The following TNK1 variants were observed in gnomAD, a reference collection of about 807,000 sequenced individuals.
TNK1 encodes tyrosine kinase non receptor 1.
TNK1 carries 53 observed loss-of-function variants against 65.2 expected under a neutral mutation model. That is an observed-to-expected ratio of 0.81 (90% CI 0.65 to 1.02). The LOEUF (loss-of-function observed/expected upper bound fraction) is 1.02, where lower values mean the gene tolerates loss of function less well. Among genes scored for constraint, TNK1 ranks in the 50% least tolerant of loss-of-function variants. The pLI is 0.00. For synonymous variants in TNK1, 353 were observed against 364.6 expected (o/e 0.97, Z 0.36); for missense variants, 837 against 878.4 (o/e 0.95, Z 0.60).
rs1904951379 is a variant in TNK1 at position 7,383,448 on chromosome 17, G to A, written c.258G>A (p.Glu86=). The A allele has an allele frequency of 1.2e-6, 2 of 1,613,806 alleles. No individual in the cohort carries two copies. Among genetic ancestry groups the A allele is most frequent in the African/African-American group, 1.3e-5 (1 of 74,924 alleles). The change falls in exon 4 of 13, where the codon GAG becomes GAA. Residue 86 remains glutamate (E), a synonymous_variant. Coordinates refer to ENST00000688331, the MANE Select transcript of TNK1 (RefSeq NM_003985.6). ...VYKILGGFAP[E]HKEPTLPSDS... The stretch of plus-strand genomic sequence containing the variant: ...AGATCCTTGGAGGTTTTGCCCCTGA[G>A]CACAAGGAGCCCACCCTGCCCTCGG...
At chr17:7,385,626 G>A (rs1374718559) in intron 7 of TNK1, among the ~76,000 whole-genome samples, 5 of 152,062 alleles carry the variant, frequency 3.3e-5, no homozygotes, top group Non-Finnish European at 7.4e-5. Flanking sequence ...GTGCAGTGGT[G>A]GGATCTTGGC....
intron 7 of TNK1, among the ~76,000 whole-genome samples, chr17:7,385,540 C>T (rs1326608782): frequency 2.6e-5 from 4 of 151,860 alleles, no homozygotes; most frequent in African/African-American, 7.2e-5. Flanking sequence ...ATTTAATGCT[C>T]TCAACCACTG....
At position 7,384,690 on chromosome 17, in the gene TNK1, G is replaced by T; in HGVS notation, c.1073G>T (p.Arg358Leu). 6.3e-7 allele frequency: 1 copy of T among 1,594,714 alleles called. No homozygotes were observed. The change falls in exon 7 of 13, where the codon CGC becomes CTC. Residue 358 changes from arginine to leucine, a missense_variant. By Grantham distance (102) the Arg-to-Leu change is moderately radical (BLOSUM62 -2). Transcript: ENST00000688331. ...CSRALYSLAL[R>L]CWAPHPADRP... ...AGGGCCCTCTACTCCCTCGCCTTGC[G>T]CTGCTGGGCCCCCCACCCTGCCGAC... is the stretch of plus-strand genomic sequence containing the variant.
chr17:7,384,372 C>G, intron 6 of TNK1, 112 bp from the exon 7 acceptor site: 1 of 1,439,566 alleles, frequency 6.9e-7, no homozygotes, highest in Non-Finnish European at 9.1e-7. Context: ...GGGTTATCCT[C>G]CTAGGCAAAG....
chr17:7,385,957 G>C (rs1241656496), intron 7 of TNK1, among the ~76,000 whole-genome samples: 1 of 152,198 alleles, frequency 6.6e-6, no homozygotes, highest in African/African-American at 2.4e-5. Context: ...GTAAGTGGAG[G>C]AGTTGGGATT....
At chr17:7,386,751 C>A in intron 8 of TNK1, 96 bp downstream of exon 8, 1 of 1,211,930 alleles carries the variant, frequency 8.3e-7, no homozygotes, top group Non-Finnish European at 1.2e-6. Flanking sequence ...CTCCTTGAAC[C>A]CTGATCTTCT....
chr17:7,389,168 A>C lies in TNK1; in HGVS notation c.*84A>C. On this transcript the variant is annotated 3_prime_UTR_variant, in exon 13 of 13. Transcript: ENST00000688331. ...CCACATGGGACCAAGCGGAACCAGA[A>C]CAAGGTCCCGACAGGGGTAGACGTT... The C allele has an allele frequency of 8.9e-7, 1 of 1,125,344 alleles. No individual in the cohort carries two copies. Among genetic ancestry groups the C allele is most frequent in the Non-Finnish European group, 1.3e-6 (1 of 777,398 alleles). 69.7% of individuals were successfully genotyped at this position (1,125,344 alleles called of 1,614,324 possible).
chr17:7,385,669 A>G (rs113929163), intron 7 of TNK1, among the ~76,000 whole-genome samples: 2,154 of 151,998 alleles, frequency 0.014, 36 homozygotes, highest in Admixed American at 0.025. Flanking sequence ...GGTTCAAGCA[A>G]TTCTCCTGTT....
In TNK1 at chr17:7,387,116, C is replaced by T. The variant is rs571670663; in HGVS notation, c.1359C>T (p.Thr453=). 1 of 1,607,496 alleles carries T rather than the reference C, an allele frequency of 6.2e-7. No homozygotes were observed. Among genetic ancestry groups the T allele is most frequent in the East Asian group, 2.2e-5 (1 of 44,762 alleles). Residue 453 remains threonine (T), a synonymous_variant, in exon 9 of 13, where the codon ACC becomes ACT. Coordinates refer to ENST00000688331, the MANE Select transcript of TNK1 (RefSeq NM_003985.6). The part of the protein sequence containing the change: ...LPATRPVHRG[T]PARGDQHPGS... Reference sequence around the variant, plus strand: ...CCACCCGTCCAGTCCACAGAGGCACCCCTGCCCGGGGAGATCAACACCCAG... The same window carrying T: ...CCACCCGTCCAGTCCACAGAGGCACTCCTGCCCGGGGAGATCAACACCCAG...
rs765094696 is a variant in TNK1 at position 7,388,674 on chromosome 17, C to T, written c.1746C>T (p.Ser582=). 3.6e-5 allele frequency: 58 copies of T among 1,613,612 alleles called. No homozygotes were observed. The highest frequency in any genetic ancestry group is 8.0e-5 in the African/African-American group (6 of 74,992). Residue 582 remains serine, a synonymous_variant, in exon 11 of 13, where the codon TCC becomes TCT. Transcript: ENST00000688331. The surrounding 1 kb of genome is among the most constrained non-coding windows in gnomAD (Gnocchi z 4.5). ...CTGCCCTCTCTGGAGGCCTCTTGTC[C>T]GATCCTGAGTTGCAGAGGAAGATTA... The part of the protein sequence containing the change: ...KAAALSGGLL[S]DPELQRKIME...
At position 7,386,590 on chromosome 17, in the gene TNK1, G is replaced by C. The variant is rs1176091818; in HGVS notation, c.1167G>C (p.Arg389Ser). 6.2e-7 allele frequency: 1 copy of C among 1,605,224 alleles called. No homozygotes were observed. Among genetic ancestry groups the C allele is most frequent in the East Asian group, 2.2e-5 (1 of 44,550 alleles). Residue 389 changes from arginine (R) to serine (S), a missense_variant, in exon 8 of 13, where the codon AGG (arginine) becomes AGC (serine). Physicochemically the swap from Arg to Ser is moderately radical, Grantham distance 110. Transcript: ENST00000688331. ...EAGPSEACCV[R>S]DVTEPGALRM... ...GGCCTTCGGAAGCATGTTGTGTGAG[G>C]GATGTCACAGAACCAGGCGCCCTGA...
chr17:7,383,242 T>A lies in TNK1; in HGVS notation c.164-8T>A, dbSNP rs755470584. On this transcript the variant is annotated splice_polypyrimidine_tract_variant and splice_region_variant and intron_variant, in intron 2 of 12. Coordinates refer to ENST00000688331, the MANE Select transcript of TNK1 (RefSeq NM_003985.6). ...CTCCACTCCAGCCCTGATTCTGGCCTCCCACAGCCCAGCGCAGACTGTCCG... is the reference window on the plus strand; with the variant it reads ...CTCCACTCCAGCCCTGATTCTGGCCACCCACAGCCCAGCGCAGACTGTCCG... The A allele has an allele frequency of 6.8e-6, 11 of 1,613,808 alleles. No homozygotes were observed. In the African/African-American group the frequency reaches 1.3e-4, roughly 20 times the overall value.
In TNK1 at chr17:7,383,791, C is replaced by T. The variant is rs767665856; in HGVS notation, c.509C>T (p.Ser170Leu). 1.2e-6 allele frequency: 2 copies of T among 1,613,128 alleles called. No individual in the cohort carries two copies. Among genetic ancestry groups the T allele is most frequent in the South Asian group, 1.1e-5 (1 of 90,834 alleles). ...TELGDFLREV[S>L]VMMNLEHPHV... is the part of the protein sequence containing the mutation. ...CTGGGGGACTTCCTGCGAGAGGTAT[C>T]GGTCATGATGAACTTGGAGCACCCA... The change falls in exon 5 of 13, where the codon TCG becomes TTG. Residue 170 changes from serine to leucine, a missense_variant. Ser to Leu is a moderately radical substitution (Grantham distance 145, BLOSUM62 -2). Coordinates refer to ENST00000688331, the MANE Select transcript of TNK1 (RefSeq NM_003985.6).
intron 7 of TNK1, 100 bp from the exon 8 acceptor site, chr17:7,386,461 C>T: frequency 1.1e-6 from 1 of 918,956 alleles, no homozygotes; most frequent in African/African-American, 1.6e-5. Context: ...GGGCCCAGCA[C>T]AGACTACATA....
At chr17:7,386,318 C>T (rs935175585) in intron 7 of TNK1, among the ~76,000 whole-genome samples, 7 of 152,094 alleles carry the variant, frequency 4.6e-5, no homozygotes, top group Non-Finnish European at 7.4e-5. Flanking sequence ...TACAGGATGA[C>T]GCTCCTGTTA....
At position 7,389,017 on chromosome 17, in the gene TNK1, G is replaced by T; in HGVS notation, c.1919G>T (p.Trp640Leu). 1 of 1,554,778 alleles carries T rather than the reference G, an allele frequency of 6.4e-7. No individual in the cohort carries two copies. Among genetic ancestry groups the T allele is most frequent in the South Asian group, 1.2e-5 (1 of 84,288 alleles). ...AGTAGCCGGTCCAGAGCTGACTGCTGGCGCATCCTGGAGCATTACCAGTGG... is the reference window on the plus strand; with the variant it reads ...AGTAGCCGGTCCAGAGCTGACTGCTTGCGCATCCTGGAGCATTACCAGTGG... ...HLSSRSRADC[W>L]RILEHYQWDL... Residue 640 changes from tryptophan (W) to leucine (L), a missense_variant, in exon 13 of 13, where the codon TGG becomes TTG. Transcript: ENST00000688331.
In TNK1 at chr17:7,388,076, G is replaced by T. The variant is rs1210104353; in HGVS notation, c.1478-330G>T. Among the ~76,000 whole-genome samples, 1 of 152,078 alleles carries T rather than the reference G, an allele frequency of 6.6e-6. No homozygotes were observed. Among genetic ancestry groups the T allele is most frequent in the Non-Finnish European group, 1.5e-5 (1 of 68,022 alleles). ...TGACACATGAACCACCCAGGGACAG[G>T]GCTGGCTAGCTCATCTGCAAATGCT... On this transcript the variant is annotated intron_variant, in intron 10 of 12. Transcript: ENST00000688331. The surrounding 1 kb of genome is among the most constrained non-coding windows in gnomAD (Gnocchi z 4.5).
chr17:7,386,425 T>TGGG (rs1905180804), intron 7 of TNK1, 136 bp from the exon 8 acceptor site: 3 of 649,188 alleles, frequency 4.6e-6, no homozygotes, highest in Non-Finnish European at 8.2e-6. Flanking sequence ...TGAATTACAA[T>TGGG]GGGGGGACAG....
chr17:7,384,520 G>T lies in TNK1; in HGVS notation c.903G>T (p.Ser301=). Residue 301 remains serine (S), a synonymous_variant, in exon 7 of 13, where the codon TCG becomes TCT. Transcript: ENST00000688331. ...AGAGCCTGCGCCACGGAGCCTTCTC[G>T]TCTGCCTCGGACGTGTGGATGTTTG... is the stretch of plus-strand genomic sequence containing the variant. ...APESLRHGAF[S]SASDVWMFGV... 1 of 1,592,598 alleles carries T rather than the reference G, an allele frequency of 6.3e-7. No individual in the cohort carries two copies. Among genetic ancestry groups the T allele is most frequent in the Non-Finnish European group, 8.6e-7 (1 of 1,165,752 alleles).
Sources: allele counts gnomAD v4.1 joint callset (sites outside exome capture counted in the v4.1 genomes callset), GRCh38; gene constraint gnomAD v4.1.1; non-coding constraint Gnocchi (gnomAD v3.1); transcripts MANE v1.5; gene names NCBI Gene and HGNC (gene_info 2026-07-23, HGNC 2026-07-21).